The following COPG2 variants were observed in gnomAD, a reference collection of about 807,000 sequenced individuals.
COPG2 encodes coat protein complex I subunit gamma 2.
COPG2 carries 37 observed loss-of-function variants against 46.3 expected under a neutral mutation model. The ratio of observed to expected loss-of-function variants is 0.80; its 90% confidence interval spans 0.61 to 1.05. The LOEUF (loss-of-function observed/expected upper bound fraction) is 1.05. COPG2 is among the 50% of genes least tolerant of loss of function. COPG2 has a pLI of 0.00. For missense variants in COPG2, 427 were observed against 387.8 expected, an observed-to-expected ratio of 1.10 and a Z score of -0.85; for synonymous variants, 159 against 129.7, an observed-to-expected ratio of 1.23 and a Z score of -1.53.
chr7:130,562,438 T>G (rs1284224007), intron 11 of COPG2, among the ~76,000 whole-genome samples: 3 of 152,232 alleles, frequency 2.0e-5, no homozygotes, highest in Middle Eastern at 3.2e-3. Flanking sequence ...AAACTTCTCT[T>G]TTCTTCGACT....
At chr7:130,511,261 ATAAT>A (rs563848939) in intron 20 of COPG2, among the ~76,000 whole-genome samples, 203 of 152,248 alleles carry the variant, frequency 1.3e-3, no homozygotes, top group Non-Finnish European at 2.5e-3. Flanking sequence ...TGTTAGAATA[ATAAT>A]TAAAGAAAAG....
chr7:130,520,714 C>T (rs1398752137), intron 20 of COPG2, among the ~76,000 whole-genome samples: 6 of 152,182 alleles, frequency 3.9e-5, no homozygotes, highest in South Asian at 4.2e-4. Context: ...ATAATATGAG[C>T]GGGACAATTC....
chr7:130,615,894 A>G (rs546286670), intron 6 of COPG2, among the ~76,000 whole-genome samples: 1 of 152,344 alleles, frequency 6.6e-6, no homozygotes, highest in Admixed American at 6.5e-5. Context: ...TGTGGTGAGG[A>G]GGAACAATAA....
chr7:130,531,018 T>C (rs1288289818), intron 20 of COPG2, among the ~76,000 whole-genome samples: 2 of 125,404 alleles, frequency 1.6e-5, no homozygotes, highest in Non-Finnish European at 3.2e-5. Context: ...GTGTGAATCT[T>C]GGGCCAGGCT....
chr7:130,642,067 TCTCAATTCTCAATTC>T (rs1382480380), intron 5 of COPG2, among the ~76,000 whole-genome samples: 57 of 152,194 alleles, frequency 3.7e-4, no homozygotes, highest in African/African-American at 1.3e-3. Flanking sequence ...TTCTCAATTC[TCTCAATTCTCAATTC>T]CTCAATTCTC....
intron 20 of COPG2, among the ~76,000 whole-genome samples, chr7:130,513,390 T>TGC (rs1491572743): frequency 4.9e-4 from 59 of 119,566 alleles, no homozygotes; most frequent in African/African-American, 1.2e-3. Context: ...TGTGTGTGTG[T>TGC]ATATATATAT....
intron 5 of COPG2, among the ~76,000 whole-genome samples, chr7:130,623,968 A>C (rs750644886): frequency 2.0e-5 from 3 of 151,214 alleles, no homozygotes; most frequent in Non-Finnish European, 4.4e-5. Context: ...TCTTATAAAC[A>C]ATAAACATTT....
intron 9 of COPG2, among the ~76,000 whole-genome samples, chr7:130,584,366 G>T (rs1249984907): frequency 3.3e-5 from 5 of 152,102 alleles, no homozygotes; most frequent in African/African-American, 1.2e-4. Context: ...ATTGAATGGG[G>T]AAAAGTTGAA....
chr7:130,622,208 G>A (rs1554453706), intron 5 of COPG2, among the ~76,000 whole-genome samples: 1 of 152,132 alleles, frequency 6.6e-6, no homozygotes, highest in Non-Finnish European at 1.5e-5. Flanking sequence ...GTTATTTAAT[G>A]AGCAATCTTC....
intron 4 of COPG2, among the ~76,000 whole-genome samples, chr7:130,659,077 C>T (rs1554460268): frequency 1.3e-5 from 2 of 151,912 alleles, no homozygotes; most frequent in East Asian, 1.9e-4. Flanking sequence ...ATGCTTAGGC[C>T]GGGCGCGGTA....
At chr7:130,544,064 AG>A (rs1793389728) in intron 20 of COPG2, among the ~76,000 whole-genome samples, 1 of 152,204 alleles carries the variant, frequency 6.6e-6, no homozygotes, top group South Asian at 2.1e-4. Flanking sequence ...GGAAGGGGAA[AG>A]GGTGGCTGAA....
At position 130,549,388 on chromosome 7, in the gene COPG2, G is replaced by C. The variant is rs941921913; in HGVS notation, c.1775-12C>G. ...CACAAGTGTGATTTCTATAAAGACA[G>C]ATATGAGCAAGTAAGTGAACTTCTC... On this transcript the variant is annotated splice_polypyrimidine_tract_variant and intron_variant, in intron 17 of 23. Transcript: ENST00000425248. 1.0e-5 allele frequency: 4 copies of C among 398,474 alleles called. No homozygotes were observed. The highest frequency in any genetic ancestry group is 1.8e-5 in the Non-Finnish European group (4 of 226,052). 24.7% of individuals were successfully genotyped at this position (398,474 alleles called of 1,614,324 possible).
chr7:130,634,286 C>T (rs574263324), intron 5 of COPG2, among the ~76,000 whole-genome samples: 1 of 152,254 alleles, frequency 6.6e-6, no homozygotes, highest in African/African-American at 2.4e-5. Flanking sequence ...ATGGGGATAG[C>T]ACTGATTCTA....
chr7:130,509,543 C>G (rs781957306), intron 20 of COPG2: 2 of 412,850 alleles, frequency 4.8e-6, no homozygotes, highest in African/African-American at 2.0e-5. Flanking sequence ...AGACCATATA[C>G]GACAGATTGG....
intron 5 of COPG2, among the ~76,000 whole-genome samples, chr7:130,620,615 T>G (rs1795022969): frequency 6.6e-6 from 1 of 152,200 alleles, no homozygotes; most frequent in Admixed American, 6.5e-5. Context: ...ACCACAGTAT[T>G]TTAGCAGCAC....
intron 9 of COPG2, among the ~76,000 whole-genome samples, chr7:130,580,101 C>A (rs1794103264): frequency 2.0e-5 from 3 of 151,898 alleles, no homozygotes; most frequent in South Asian, 4.2e-4. Flanking sequence ...GGAAGTAAAG[C>A]ACTCCTCAGC....
At chr7:130,517,968 G>C (rs1014180964) in intron 20 of COPG2, among the ~76,000 whole-genome samples, 1 of 152,116 alleles carries the variant, frequency 6.6e-6, no homozygotes, top group Admixed American at 6.5e-5. Flanking sequence ...GAAGAGCAGC[G>C]AAGGCCTGAA....
chr7:130,555,631 A>ATAAACAT (rs1793608689), intron 12 of COPG2, among the ~76,000 whole-genome samples: 1 of 152,116 alleles, frequency 6.6e-6, no homozygotes, highest in Non-Finnish European at 1.5e-5. Context: ...GTTCGAGACC[A>ATAAACAT]GCCTGACCAA....
intron 5 of COPG2, among the ~76,000 whole-genome samples, chr7:130,634,971 G>A (rs1554455886): frequency 6.6e-6 from 1 of 151,488 alleles, no homozygotes; most frequent in East Asian, 1.9e-4. Flanking sequence ...AGATAATCAT[G>A]TGGTTTTTGT....
Sources: allele counts gnomAD v4.1 joint callset (sites outside exome capture counted in the v4.1 genomes callset), GRCh38; gene constraint gnomAD v4.1.1; transcripts MANE v1.5; gene names NCBI Gene and HGNC (gene_info 2026-07-23, HGNC 2026-07-21).